Variants in NDUFS3 observed in about 807,000 individuals in gnomAD.
NDUFS3 encodes the protein NADH dehydrogenase [ubiquinone] iron-sulfur protein 3, mitochondrial.
A neutral mutation model predicts 30.8 loss-of-function variants in NDUFS3; 19 were observed. The ratio of observed to expected loss-of-function variants is 0.62; its 90% CI spans 0.43 to 0.91. The LOEUF (loss-of-function observed/expected upper bound fraction) is 0.91, where lower values mean the gene tolerates loss of function less well. Among genes scored for constraint, NDUFS3 ranks in the 40% least tolerant of loss-of-function variants. The pLI, the probability that NDUFS3 is intolerant of heterozygous loss-of-function variation, is 0.00. For synonymous variants in NDUFS3, 153 were observed against 135.8 expected (o/e 1.13, Z -0.88); for missense variants, 331 against 342.0 (o/e 0.97, Z 0.25).
At chr11:47,584,258 T>C (rs1250098917) in intron 6 of NDUFS3, 56 bp from the exon 7 acceptor site, 1 of 1,610,956 alleles carries the variant, frequency 6.2e-7, no homozygotes, top group African/African-American at 1.3e-5. Context: ...AGTAGGCTCC[T>C]GTGTAGCTAT....
In NDUFS3 at chr11:47,582,150, T is replaced by G. The variant is rs2097269076; in HGVS notation, c.444T>G (p.Asp148Glu). 1 of 1,614,092 alleles carries G rather than the reference T, an allele frequency of 6.2e-7. No individual in the cohort carries two copies. The highest frequency in any genetic ancestry group is 1.7e-5 in the Admixed American group (1 of 60,004). ...GGATCCGTGTGAAGACCTACACAGA[T>G]GAGCTGACGCCCATTGAGTCTGCTG... is the stretch of plus-strand genomic sequence containing the variant. ...NSRIRVKTYT[D>E]ELTPIESAVS... Residue 148 changes from aspartate to glutamate, a missense_variant, in exon 5 of 7, where the codon GAT becomes GAG. Physicochemically the swap from Asp to Glu is conservative, Grantham distance 45. Transcript: ENST00000263774.
chr11:47,583,589 T>C (rs1203552954), intron 6 of NDUFS3, among the ~76,000 whole-genome samples: 1 of 151,630 alleles, frequency 6.6e-6, no homozygotes, highest in African/African-American at 2.4e-5. Flanking sequence ...TAGTGTGTAA[T>C]ATTATCACTC....
At position 47,582,390 on chromosome 11, in the gene NDUFS3, T is replaced by C; in HGVS notation, c.549T>C (p.Asp183=). 2.5e-6 allele frequency: 4 copies of C among 1,614,190 alleles called. No homozygotes were observed. Among genetic ancestry groups the C allele is most frequent in the Non-Finnish European group, 3.4e-6 (4 of 1,180,040 alleles). ...MFGVFFANHP[D]LRRILTDYGF... is the part of the protein sequence containing the mutation. Reference sequence around the variant, plus strand: ...GAGTCTTCTTTGCTAACCACCCTGATCTAAGAAGGATCCTGACAGATTATG... The same window carrying C: ...GAGTCTTCTTTGCTAACCACCCTGACCTAAGAAGGATCCTGACAGATTATG... Residue 183 remains aspartate, a synonymous_variant, in exon 6 of 7, where the codon GAT becomes GAC. Coordinates refer to ENST00000263774, the MANE Select transcript of NDUFS3 (RefSeq NM_004551.3).
Position 47,584,516 on chromosome 11 carries a change from T to C in NDUFS3, c.*35T>C. 2 of 1,609,772 alleles carry C rather than the reference T, an allele frequency of 1.2e-6. No individual in the cohort carries two copies. The highest frequency in any genetic ancestry group is 1.7e-6 in the Non-Finnish European group (2 of 1,176,650). On this transcript the variant is annotated 3_prime_UTR_variant, in exon 7 of 7. Coordinates refer to ENST00000263774, the MANE Select transcript of NDUFS3 (RefSeq NM_004551.3). ...ACGCATGTGGATCCTAGACAGCGCCTTATCTATGATTGAGTGTCCGTGTAA... is the reference window on the plus strand; with the variant it reads ...ACGCATGTGGATCCTAGACAGCGCCCTATCTATGATTGAGTGTCCGTGTAA...
intron 6 of NDUFS3, 117 bp downstream of exon 6, chr11:47,582,585 C>A: frequency 6.6e-7 from 1 of 1,517,404 alleles, no homozygotes; most frequent in Non-Finnish European, 9.0e-7. Flanking sequence ...AGAGCATGGG[C>A]CCTGGATTCA....
chr11:47,582,505 G>A, intron 6 of NDUFS3, 37 bp downstream of exon 6: 2 of 1,613,818 alleles, frequency 1.2e-6, no homozygotes, highest in Non-Finnish European at 1.7e-6. Context: ...GCCTCAGGGA[G>A]GGACTTGCAG....
intron 4 of NDUFS3, chr11:47,581,294 C>CA (rs1431578204): frequency 1.3e-5 from 5 of 376,806 alleles, no homozygotes; most frequent in South Asian, 1.1e-4. Flanking sequence ...GCTGGGACTA[C>CA]AGGTGCATGC....
Position 47,580,868 on chromosome 11 carries a change from C to T in NDUFS3, c.265C>T (p.His89Tyr), listed in dbSNP as rs1206918067. Reference sequence around the variant, plus strand: ...CTTCAATGAGTTAGAGGTCTGTATCCATCCTGATGGCGTCATCCCAGTGCT... The same window carrying T: ...CTTCAATGAGTTAGAGGTCTGTATCTATCCTGATGGCGTCATCCCAGTGCT... ...SCFNELEVCI[H>Y]PDGVIPVLTF... is the part of the protein sequence containing the mutation. Residue 89 changes from histidine to tyrosine, a missense_variant, in exon 4 of 7, where the codon CAT becomes TAT. His to Tyr is a moderately conservative substitution (Grantham distance 83). Transcript: ENST00000263774. 6.8e-6 allele frequency: 11 copies of T among 1,614,194 alleles called. No individual in the cohort carries two copies. Among genetic ancestry groups the T allele is most frequent in the Non-Finnish European group, 9.3e-6 (11 of 1,180,040 alleles).
At chr11:47,581,194 G>A (rs1273669558) in intron 4 of NDUFS3, 10 of 575,612 alleles carry the variant, frequency 1.7e-5, no homozygotes, top group East Asian at 3.3e-5. Flanking sequence ...TTGCTCTGTC[G>A]CCAGGCTGGA....
intron 2 of NDUFS3, among the ~76,000 whole-genome samples, chr11:47,579,984 G>GACAC (rs36201718): frequency 0.02 from 2,762 of 139,326 alleles, 31 homozygotes; most frequent in Middle Eastern, 0.04. Flanking sequence ...TTTTCTCATT[G>GACAC]ACACACACAC....
chr11:47,579,178 T>C lies in NDUFS3; in HGVS notation c.67+20T>C. On this transcript the variant is annotated intron_variant, in intron 1 of 6. Coordinates refer to ENST00000263774, the MANE Select transcript of NDUFS3 (RefSeq NM_004551.3). Reference sequence around the variant, plus strand: ...CCAGGGGTGAGCACGGGCAGCCAGCTGAGACCGGGGTCAGGCGCAGCGGCG... The same window carrying C: ...CCAGGGGTGAGCACGGGCAGCCAGCCGAGACCGGGGTCAGGCGCAGCGGCG... 6.2e-7 allele frequency: 1 copy of C among 1,612,938 alleles called. No individual in the cohort carries two copies. Among genetic ancestry groups the C allele is most frequent in the South Asian group, 1.1e-5 (1 of 90,992 alleles).
chr11:47,583,445 A>G (rs539408233), intron 6 of NDUFS3, among the ~76,000 whole-genome samples: 1 of 152,070 alleles, frequency 6.6e-6, no homozygotes, highest in South Asian at 2.1e-4. Context: ...GGATTATTTT[A>G]CCCTGCCCTG....
chr11:47,581,977 T>C (rs1182022797), intron 4 of NDUFS3, 111 bp from the exon 5 acceptor site: 33 of 1,422,418 alleles, frequency 2.3e-5, no homozygotes, highest in Non-Finnish European at 3.3e-5. Context: ...GTTGTAAGCA[T>C]AGGAGAATCT....
rs145121567 is a variant in NDUFS3, at chr11:47,584,520, C to G, written c.*39C>G. 1.2e-6 allele frequency: 2 copies of G among 1,608,768 alleles called. No homozygotes were observed. The highest frequency in any genetic ancestry group is 1.3e-5 in the African/African-American group (1 of 74,770). On this transcript the variant is annotated 3_prime_UTR_variant, in exon 7 of 7. Coordinates refer to ENST00000263774, the MANE Select transcript of NDUFS3 (RefSeq NM_004551.3). ...ATGTGGATCCTAGACAGCGCCTTAT[C>G]TATGATTGAGTGTCCGTGTAAATAA... is the stretch of plus-strand genomic sequence containing the variant.
At chr11:47,582,736 C>T (rs898324260) in intron 6 of NDUFS3, among the ~76,000 whole-genome samples, 9 of 152,134 alleles carry the variant, frequency 5.9e-5, no homozygotes, top group African/African-American at 2.2e-4. Flanking sequence ...AGGCTCACGC[C>T]TGTAATCCCA....
Position 47,584,555 on chromosome 11 carries a change from T to C in NDUFS3, c.*74T>C. 35 of 1,564,288 alleles carry C rather than the reference T, an allele frequency of 2.2e-5. No homozygotes were observed. The highest frequency in any genetic ancestry group is 2.8e-5 in the Non-Finnish European group (32 of 1,140,908). On this transcript the variant is annotated 3_prime_UTR_variant, in exon 7 of 7. Coordinates refer to ENST00000263774, the MANE Select transcript of NDUFS3 (RefSeq NM_004551.3). ...GTGTCCGTGTAAATAAATTCCTACTTAGACTTACCACTTTGTGTGTGCTTG... is the reference window on the plus strand; with the variant it reads ...GTGTCCGTGTAAATAAATTCCTACTCAGACTTACCACTTTGTGTGTGCTTG...
At chr11:47,581,157 T>TA in intron 4 of NDUFS3, 173 bp downstream of exon 4, 2 of 782,420 alleles carry the variant, frequency 2.6e-6, no homozygotes, top group South Asian at 1.7e-5. Flanking sequence ...ATATTTTGTT[T>TA]AATTTTTTTT....
intron 4 of NDUFS3, 23 bp from the exon 5 acceptor site, chr11:47,582,065 C>T (rs2097269037): frequency 6.2e-7 from 1 of 1,613,102 alleles, no homozygotes; most frequent in Non-Finnish European, 8.5e-7. Flanking sequence ...TCTCAGCCCT[C>T]CAGATCCTTC....
At chr11:47,580,662 G>A (rs770784960) in intron 3 of NDUFS3, 40 bp downstream of exon 3, 2 of 1,606,496 alleles carry the variant, frequency 1.2e-6, no homozygotes, top group African/African-American at 2.7e-5. Flanking sequence ...GGTCAAGAAA[G>A]AACCATGTTC....
Sources: allele counts gnomAD v4.1 joint callset (sites outside exome capture counted in the v4.1 genomes callset), GRCh38; gene constraint gnomAD v4.1.1; transcripts MANE v1.5; gene names NCBI Gene and HGNC (gene_info 2026-07-23, HGNC 2026-07-21).